LIN54: variants seen among roughly 807,000 people sequenced by gnomAD.
The protein encoded by LIN54 is protein lin-54 homolog.
LIN54 carries 9 observed loss-of-function variants against 78.7 expected under a neutral mutation model. That is an observed-to-expected ratio of 0.11 (90% confidence interval 0.07 to 0.20). The LOEUF (loss-of-function observed/expected upper bound fraction) is 0.20. Ranked by LOEUF, LIN54 falls within the 10% of genes least tolerant of loss-of-function variation. The probability of loss-of-function intolerance (pLI) is 1.00; values close to 1 mark genes in which losing one functional copy is unlikely to be tolerated. For synonymous variants in LIN54, 269 were observed against 318.4 expected (o/e 0.84, Z 1.65); for missense variants, 573 against 889.9 (o/e 0.64, Z 4.53).
intron 10 of LIN54, 26 bp from the exon 11 acceptor site, chr4:82,936,144 T>TA (rs774489295): frequency 1.3e-5 from 21 of 1,613,388 alleles, no homozygotes; most frequent in Non-Finnish European, 8.5e-7. Flanking sequence ...AAATATCAGT[T>TA]AGAGTTAAAT....
chr4:82,954,094 T>C (rs1481314034), intron 4 of LIN54, among the ~76,000 whole-genome samples: 2 of 152,096 alleles, frequency 1.3e-5, no homozygotes, highest in Non-Finnish European at 2.9e-5. Context: ...ATTTTCAAAA[T>C]AGATAAATAT....
intron 4 of LIN54, among the ~76,000 whole-genome samples, chr4:82,951,595 T>C (rs1311581726): frequency 6.6e-6 from 1 of 152,052 alleles, no homozygotes; most frequent in Non-Finnish European, 1.5e-5. Context: ...TTTTTAAAAA[T>C]CCATATATAA....
intron 5 of LIN54, among the ~76,000 whole-genome samples, chr4:82,941,263 G>A (rs1722864653): frequency 6.6e-6 from 1 of 151,668 alleles, no homozygotes; most frequent in African/African-American, 2.4e-5. Context: ...CGCATGGAGG[G>A]CACATAGACT....
chr4:82,969,615 AGT>A (rs962647955), intron 4 of LIN54, among the ~76,000 whole-genome samples: 36 of 152,268 alleles, frequency 2.4e-4, no homozygotes, highest in Non-Finnish European at 8.8e-5. Flanking sequence ...ATTTATGAAC[AGT>A]AACAAATCAA....
chr4:83,010,586 G>A lies in LIN54; in HGVS notation c.-135C>T. On this transcript the variant is annotated 5_prime_UTR_variant, in exon 1 of 13. Coordinates refer to ENST00000340417, the MANE Select transcript of LIN54 (RefSeq NM_194282.4). ...GGCGGGGCTTGTTTTGCCCGTGCAC[G>A]ATAGCTCTGGCCAGCAGCTTCCTTT... 8.2e-7 allele frequency: 1 copy of A among 1,223,406 alleles called. No homozygotes were observed. The highest frequency in any genetic ancestry group is 1.0e-6 in the Non-Finnish European group (1 of 982,824). The allele number at this position is 1,223,406 out of a possible 1,614,324, so 75.8% of individuals were successfully genotyped here.
chr4:82,960,974 C>G (rs530002779), intron 4 of LIN54, among the ~76,000 whole-genome samples: 28 of 152,176 alleles, frequency 1.8e-4, no homozygotes, highest in Middle Eastern at 3.4e-3. Flanking sequence ...GCAGAAGGAT[C>G]ACTTCAGACC....
At chr4:82,929,787 CAG>C (rs1300922181) in intron 12 of LIN54, among the ~76,000 whole-genome samples, 2 of 152,090 alleles carry the variant, frequency 1.3e-5, no homozygotes, top group Non-Finnish European at 2.9e-5. Context: ...GCCTGGGCAA[CAG>C]AGTGAGACTC....
chr4:82,993,071 T>C (rs911994596), intron 1 of LIN54, among the ~76,000 whole-genome samples: 7 of 150,576 alleles, frequency 4.6e-5, no homozygotes, highest in Non-Finnish European at 7.4e-5. Context: ...CCACGTTGCC[T>C]AGGCTGGTCT....
chr4:82,964,029 C>T (rs1033840821), intron 4 of LIN54, among the ~76,000 whole-genome samples: 17 of 149,312 alleles, frequency 1.1e-4, no homozygotes, highest in African/African-American at 3.7e-4. Flanking sequence ...TCTTTTGAAC[C>T]TCTATACACT....
intron 2 of LIN54, among the ~76,000 whole-genome samples, chr4:82,983,007 G>GA (rs1726797997): frequency 8.5e-6 from 1 of 116,974 alleles, no homozygotes. Context: ...TGCATTTCTT[G>GA]TTTTTTTTTT....
At chr4:82,962,090 A>T (rs1724848466) in intron 4 of LIN54, among the ~76,000 whole-genome samples, 1 of 152,090 alleles carries the variant, frequency 6.6e-6, no homozygotes, top group Non-Finnish European at 1.5e-5. Context: ...TAGGAACCTA[A>T]CCCTAATTTC....
intron 4 of LIN54, among the ~76,000 whole-genome samples, chr4:82,957,558 A>G (rs1281216577): frequency 6.6e-6 from 1 of 152,070 alleles, no homozygotes; most frequent in Admixed American, 6.6e-5. Context: ...CATATTTCCA[A>G]TCAGAGTAGT....
rs140740429 is a variant in LIN54, at chr4:83,005,055, C to T, written c.-33+5429G>A. Reference sequence around the variant, plus strand: ...CATTACAGGCACCCACCACCATGCCCGGTTCATGTTTGTATTTTTTAGTAG... The same window carrying T: ...CATTACAGGCACCCACCACCATGCCTGGTTCATGTTTGTATTTTTTAGTAG... On this transcript the variant is annotated intron_variant, in intron 1 of 12. Coordinates refer to ENST00000340417, the MANE Select transcript of LIN54 (RefSeq NM_194282.4). Among the ~76,000 whole-genome samples, 333 of 152,060 alleles carry T rather than the reference C, an allele frequency of 2.2e-3. 1 individual carries two copies. The highest frequency in any genetic ancestry group is 7.8e-3 in the African/African-American group (323 of 41,488).
chr4:82,928,633 T>C (rs1016225024), intron 12 of LIN54, among the ~76,000 whole-genome samples: 2 of 152,204 alleles, frequency 1.3e-5, no homozygotes, highest in Middle Eastern at 3.2e-3. Context: ...AAATCATGAA[T>C]GTACGCTCTG....
At chr4:82,992,432 C>T (rs988544158) in intron 1 of LIN54, among the ~76,000 whole-genome samples, 1 of 152,026 alleles carries the variant, frequency 6.6e-6, no homozygotes, top group Non-Finnish European at 1.5e-5. Context: ...AATCTCAGAA[C>T]TTTTGAGAGG....
intron 5 of LIN54, among the ~76,000 whole-genome samples, chr4:82,942,748 G>A (rs1002925190): frequency 6.6e-6 from 1 of 151,880 alleles, no homozygotes; most frequent in African/African-American, 2.4e-5. Context: ...AAAACTTCCT[G>A]GTGGTCCTGA....
intron 3 of LIN54, among the ~76,000 whole-genome samples, chr4:82,972,667 G>C (rs1725757824): frequency 6.6e-6 from 1 of 152,160 alleles, no homozygotes; most frequent in African/African-American, 2.4e-5. Flanking sequence ...TCATGTGTTA[G>C]GAATTACATA....
intron 1 of LIN54, among the ~76,000 whole-genome samples, chr4:83,001,950 G>A (rs755899179): frequency 0.29 from 16,864 of 57,734 alleles, 8,284 homozygotes; most frequent in Non-Finnish European, 0.4. Context: ...AAGGAAGGAA[G>A]GAAGGAAGGA....
chr4:82,937,009 C>T (rs1363441844), intron 9 of LIN54, among the ~76,000 whole-genome samples: 3 of 152,188 alleles, frequency 2.0e-5, no homozygotes, highest in African/African-American at 7.2e-5. Flanking sequence ...ACCCCTACTC[C>T]AGTGATTCAT....
Sources: allele counts gnomAD v4.1 joint callset (sites outside exome capture counted in the v4.1 genomes callset), GRCh38; gene constraint gnomAD v4.1.1; transcripts MANE v1.5; gene names NCBI Gene and HGNC (gene_info 2026-07-23, HGNC 2026-07-21).